PRRG1: variants seen among roughly 807,000 people sequenced by gnomAD.
The protein encoded by PRRG1 is transmembrane gamma-carboxyglutamic acid protein 1.
A neutral mutation model predicts 11.8 loss-of-function variants in PRRG1; 5 were observed. That is an observed-to-expected ratio of 0.42 (90% CI 0.22 to 0.89). The LOEUF is 0.89. Ranked by LOEUF, PRRG1 falls within the 40% of genes least tolerant of loss-of-function variation. The pLI, the probability that PRRG1 is intolerant of heterozygous loss-of-function variation, is 0.28. For synonymous variants in PRRG1, 66 were observed against 60.4 expected, an observed-to-expected ratio of 1.09 and a Z score of -0.43; for missense variants, 155 against 166.1, an observed-to-expected ratio of 0.93 and a Z score of 0.37.
intron 1 of PRRG1, among the ~76,000 whole-genome samples, chrX:37,368,505 C>T (rs782217707): frequency 9.0e-6 from 1 of 111,267 alleles, no homozygotes; most frequent in Admixed American, 9.5e-5. Context: ...TAACTCTTTG[C>T]GAGGTGTATC....
Position 37,441,135 on chromosome X carries a change from C to G in PRRG1, c.172-12001C>G, listed in dbSNP as rs1602036406. On this transcript the variant is annotated intron_variant, in intron 3 of 3. Coordinates refer to ENST00000378628, the MANE Select transcript of PRRG1 (RefSeq NM_001142395.2). ...AAAACAGAACTAAATCTGGAAGGAG[C>G]TATTATACCAGAAACAAGAAAATGT... 17 of 810,037 alleles carry G rather than the reference C, an allele frequency of 2.1e-5. No homozygotes were observed. The South Asian group carries it at 1.1e-3, about 51-fold the overall frequency. 66.8% of individuals were successfully genotyped at this position (810,037 alleles called of 1,213,427 possible). A position where few individuals can be genotyped will look rare whatever the true frequency, so the allele number is the denominator to read the frequency against.
chrX:37,374,781 A>G lies in PRRG1; in HGVS notation c.-42+25386A>G, dbSNP rs564298945. Among the ~76,000 whole-genome samples, 47 of 110,435 alleles carry G rather than the reference A, an allele frequency of 4.3e-4. No individual in the cohort carries two copies. In the South Asian group the frequency reaches 0.017, roughly 40 times the overall value. Reference sequence around the variant, plus strand: ...GCTGAGGCTTCCTATTTCTCTACTGAGGTTTTCATGAATTGATAAATCCAA... The same window carrying G: ...GCTGAGGCTTCCTATTTCTCTACTGGGGTTTTCATGAATTGATAAATCCAA... On this transcript the variant is annotated intron_variant, in intron 1 of 3. Coordinates refer to ENST00000378628, the MANE Select transcript of PRRG1 (RefSeq NM_001142395.2).
At chrX:37,434,203 A>C (rs1932860956) in intron 3 of PRRG1, among the ~76,000 whole-genome samples, 1 of 112,478 alleles carries the variant, frequency 8.9e-6, no homozygotes, top group South Asian at 3.7e-4. Context: ...CTTTCAGTAG[A>C]ATGTTTATTG....
At chrX:37,390,404 C>T (rs1931484388) in intron 1 of PRRG1, among the ~76,000 whole-genome samples, 1 of 111,112 alleles carries the variant, frequency 9.0e-6, no homozygotes, top group Non-Finnish European at 1.9e-5. Context: ...TGTGTGTGTG[C>T]GTATAATATA....
Position 37,398,231 on chromosome X carries a change from C to G in PRRG1, c.-41-7978C>G, listed in dbSNP as rs1418554705. On this transcript the variant is annotated intron_variant, in intron 1 of 3. Coordinates refer to ENST00000378628, the MANE Select transcript of PRRG1 (RefSeq NM_001142395.2). ...GCAGCCTAACTGGGAGGCACCCCCCCAGTAGGGGCGGACTGACGCCTCACA... is the reference window on the plus strand; with the variant it reads ...GCAGCCTAACTGGGAGGCACCCCCCGAGTAGGGGCGGACTGACGCCTCACA... Among the ~76,000 whole-genome samples, 6 of 111,418 alleles carry G rather than the reference C, an allele frequency of 5.4e-5. No individual in the cohort carries two copies. In the East Asian group the frequency reaches 1.4e-3, roughly 26 times the overall value.
intron 1 of PRRG1, among the ~76,000 whole-genome samples, chrX:37,405,244 A>G (rs1255769101): frequency 8.9e-6 from 1 of 111,882 alleles, no homozygotes; most frequent in Non-Finnish European, 1.9e-5. Context: ...GGGAAAACTC[A>G]TATAGTTGAG....
At chrX:37,367,247 G>A (rs1930602282) in intron 1 of PRRG1, among the ~76,000 whole-genome samples, 1 of 111,754 alleles carries the variant, frequency 8.9e-6, no homozygotes, top group Admixed American at 9.4e-5. Context: ...TCTAATATAG[G>A]CATTTAAGGC....
intron 1 of PRRG1, among the ~76,000 whole-genome samples, chrX:37,376,565 A>ATATATATATATATATATATATC (rs1930963338): frequency 2.6e-5 from 2 of 77,506 alleles, no homozygotes; most frequent in Non-Finnish European, 5.2e-5. Flanking sequence ...ATATATATAT[A>ATATATATATATATATATATATC]TATATATGTG....
chrX:37,453,175 G>A lies in PRRG1; in HGVS notation c.211G>A (p.Glu71Lys). The A allele has an allele frequency of 1.7e-6, 2 of 1,208,028 alleles. No individual in the cohort carries two copies. Among genetic ancestry groups the A allele is most frequent in the South Asian group, 1.8e-5 (1 of 56,770 alleles). Residue 71 changes from glutamate (E) to lysine (K), a missense_variant, in exon 4 of 4, where the codon GAG (glutamate) becomes AAG (lysine). Glu to Lys is a moderately conservative substitution (Grantham distance 56). Transcript: ENST00000378628. ...CACCTACACAAAAGCGCAACAAGGG[G>A]AGAGTAACCGAGGAAGTGACTGGTT... is the stretch of plus-strand genomic sequence containing the variant. ...WSTYTKAQQG[E>K]SNRGSDWFQF...
chrX:37,367,856 A>G (rs1158316101), intron 1 of PRRG1, among the ~76,000 whole-genome samples: 1 of 112,438 alleles, frequency 8.9e-6, no homozygotes, highest in Non-Finnish European at 1.9e-5. Context: ...TAGAAAGCCT[A>G]TGTCTGACCT....
chrX:37,429,758 A>G (rs1932807818), intron 3 of PRRG1, among the ~76,000 whole-genome samples: 1 of 111,513 alleles, frequency 9.0e-6, no homozygotes, highest in South Asian at 3.8e-4. Flanking sequence ...GTACCAATTT[A>G]TTGTATTAGT....
At chrX:37,393,647 C>G (rs1556377336) in intron 1 of PRRG1, among the ~76,000 whole-genome samples, 7 of 111,568 alleles carry the variant, frequency 6.3e-5, no homozygotes, top group Admixed American at 2.9e-4. Context: ...ATGCTGAAAT[C>G]AAACTGAACT....
At chrX:37,425,120 ATTT>A (rs1199171589) in intron 2 of PRRG1, among the ~76,000 whole-genome samples, 1 of 110,992 alleles carries the variant, frequency 9.0e-6, no homozygotes, top group Non-Finnish European at 1.9e-5. Context: ...TATTTTTTAT[ATTT>A]TATTATTATT....
At chrX:37,399,415 A>G (rs1253917257) in intron 1 of PRRG1, among the ~76,000 whole-genome samples, 1 of 108,571 alleles carries the variant, frequency 9.2e-6, no homozygotes, top group Non-Finnish European at 1.9e-5. Context: ...AAAATACTTT[A>G]CAGACAAGCA....
intron 2 of PRRG1, among the ~76,000 whole-genome samples, chrX:37,421,032 C>T (rs1269262230): frequency 2.7e-5 from 3 of 111,824 alleles, no homozygotes; most frequent in Non-Finnish European, 3.8e-5. Flanking sequence ...ATCTTTGTTA[C>T]CTCTTGCACT....
chrX:37,409,606 A>C (rs1254665331), intron 2 of PRRG1, among the ~76,000 whole-genome samples: 2 of 112,433 alleles, frequency 1.8e-5, no homozygotes, highest in Non-Finnish European at 3.8e-5. Flanking sequence ...AAGAGACTCT[A>C]TCCTTTACTC....
At chrX:37,396,618 G>A (rs113693012) in intron 1 of PRRG1, among the ~76,000 whole-genome samples, 1,448 of 111,289 alleles carry the variant, frequency 0.013, 22 homozygotes, top group African/African-American at 0.044. Flanking sequence ...GCAACCATAA[G>A]TCCATTAAAC....
chrX:37,448,782 A>T (rs1231973201), intron 3 of PRRG1, among the ~76,000 whole-genome samples: 1 of 111,514 alleles, frequency 9.0e-6, no homozygotes, highest in Non-Finnish European at 1.9e-5. Flanking sequence ...TGACAAAAGA[A>T]TACAAAACGT....
chrX:37,410,804 C>T (rs782463816), intron 2 of PRRG1, among the ~76,000 whole-genome samples: 2 of 112,255 alleles, frequency 1.8e-5, no homozygotes, highest in South Asian at 7.4e-4. Flanking sequence ...CTTACCTGGC[C>T]TATGTGAAAC....
Sources: allele counts gnomAD v4.1 joint callset (sites outside exome capture counted in the v4.1 genomes callset), GRCh38; gene constraint gnomAD v4.1.1; transcripts MANE v1.5; gene names NCBI Gene and HGNC (gene_info 2026-07-23, HGNC 2026-07-21).